The following SPTLC3 variants were observed in gnomAD, a reference collection of about 807,000 sequenced individuals.
SPTLC3 encodes serine palmitoyltransferase 3.
Under a neutral mutation model 59.3 loss-of-function variants are expected in SPTLC3, and 36 were observed. That is an observed-to-expected ratio of 0.61 (90% CI 0.47 to 0.80). SPTLC3 has a LOEUF of 0.80. Among genes scored for constraint, SPTLC3 ranks in the 30% least tolerant of loss-of-function variants. The pLI, the probability that SPTLC3 is intolerant of heterozygous loss-of-function variation, is 0.00. For synonymous variants in SPTLC3, 257 were observed against 240.8 expected, an observed-to-expected ratio of 1.07 and a Z score of -0.62; for missense variants, 625 against 685.1, an observed-to-expected ratio of 0.91 and a Z score of 0.98.
intron 7 of SPTLC3, among the ~76,000 whole-genome samples, chr20:13,110,848 G>A (rs536646956): frequency 6.6e-6 from 1 of 152,156 alleles, no homozygotes; most frequent in African/African-American, 2.4e-5. Context: ...CAAATTGAGG[G>A]GGATATCTCC....
intron 9 of SPTLC3, among the ~76,000 whole-genome samples, chr20:13,133,458 G>T (rs1266028315): frequency 2.0e-5 from 3 of 152,188 alleles, no homozygotes; most frequent in African/African-American, 7.2e-5. Context: ...AACAGGTCGG[G>T]CATGGTGGCT....
chr20:13,036,317 C>G (rs1304161901), intron 1 of SPTLC3, among the ~76,000 whole-genome samples: 1 of 151,950 alleles, frequency 6.6e-6, no homozygotes, highest in Non-Finnish European at 1.5e-5. Context: ...TCTTTCATCT[C>G]TGCCACCCCT....
chr20:13,081,395 A>G (rs1479647042), intron 4 of SPTLC3, among the ~76,000 whole-genome samples: 1 of 152,222 alleles, frequency 6.6e-6, no homozygotes, highest in Non-Finnish European at 1.5e-5. Context: ...ATCTGCTATC[A>G]TTTAATTCAA....
chr20:13,157,027 A>G (rs1345533189), intron 10 of SPTLC3, among the ~76,000 whole-genome samples: 1 of 152,242 alleles, frequency 6.6e-6, no homozygotes, highest in Non-Finnish European at 1.5e-5. Flanking sequence ...AAGAGCTAAT[A>G]TCACAGAGTA....
intron 1 of SPTLC3, among the ~76,000 whole-genome samples, chr20:13,011,657 A>G (rs1401712446): frequency 6.6e-6 from 1 of 151,992 alleles, no homozygotes; most frequent in East Asian, 1.9e-4. Context: ...AAGGCTGGCA[A>G]GGACCAGAGC....
intron 2 of SPTLC3, chr20:13,050,552 A>C (rs1289354898): frequency 1.3e-5 from 2 of 152,182 alleles, no homozygotes; most frequent in Non-Finnish European, 2.9e-5. Context: ...CTTGCTAGAG[A>C]CCTAGACATC....
At chr20:13,019,596 A>T (rs1316241173) in intron 1 of SPTLC3, among the ~76,000 whole-genome samples, 2 of 152,196 alleles carry the variant, frequency 1.3e-5, no homozygotes, top group Non-Finnish European at 2.9e-5. Context: ...CATACACTAG[A>T]TTTCCTTGAC....
chr20:13,135,771 C>T lies in SPTLC3; in HGVS notation c.1279+9054C>T, dbSNP rs140422028. Among the ~76,000 whole-genome samples the T allele has an allele frequency of 4.8e-3, 728 of 152,302 alleles. 9 individuals are homozygous for T. The highest frequency in any genetic ancestry group is 3.9e-3 in the Non-Finnish European group (263 of 68,018). On this transcript the variant is annotated intron_variant, in intron 9 of 11. Transcript: ENST00000399002. ...ACTTAAATTTGGATTACTCCATTGA[C>T]GAGTTCATTTCTAATTTCACCAAAA...
chr20:13,009,620 G>T (rs1442564222), intron 1 of SPTLC3, among the ~76,000 whole-genome samples: 4 of 152,152 alleles, frequency 2.6e-5, no homozygotes, highest in Admixed American at 2.0e-4. Context: ...ACAGCTTCAG[G>T]CTCCCTAAAA....
intron 2 of SPTLC3, among the ~76,000 whole-genome samples, chr20:13,070,578 C>T (rs186310404): frequency 6.6e-6 from 1 of 152,308 alleles, no homozygotes; most frequent in East Asian, 1.9e-4. Flanking sequence ...TGCTCCAAAG[C>T]ATAGGCGGGA....
chr20:13,118,181 A>G (rs1990674211), intron 8 of SPTLC3, among the ~76,000 whole-genome samples: 1 of 152,170 alleles, frequency 6.6e-6, no homozygotes, highest in African/African-American at 2.4e-5. Context: ...TAGCAACAGT[A>G]GGCAATGTTA....
At chr20:13,108,644 G>A (rs546770079) in intron 6 of SPTLC3, among the ~76,000 whole-genome samples, 7 of 151,570 alleles carry the variant, frequency 4.6e-5, no homozygotes, top group East Asian at 1.9e-4. Context: ...GTGTGATCTC[G>A]GCTCACTGCA....
At position 13,166,006 on chromosome 20, in the gene SPTLC3, G is replaced by C. The variant is rs573636413; in HGVS notation, c.*1139G>C. 19 of 152,586 alleles carry C rather than the reference G, an allele frequency of 1.2e-4. No individual in the cohort carries two copies. The highest frequency in any genetic ancestry group is 9.8e-4 in the Admixed American group (15 of 15,274). The allele number at this position is 152,586 out of a possible 1,614,324, so 9.5% of individuals were successfully genotyped here. ...CTCAACATGAACACAAACCTCTATG[G>C]AAAAGTAGCCTCTTGTTAATCTGAT... On this transcript the variant is annotated 3_prime_UTR_variant, in exon 12 of 12. Coordinates refer to ENST00000399002, the MANE Select transcript of SPTLC3 (RefSeq NM_018327.4).
intron 2 of SPTLC3, among the ~76,000 whole-genome samples, chr20:13,054,202 T>G (rs543609773): frequency 6.6e-6 from 1 of 152,232 alleles, no homozygotes; most frequent in African/African-American, 2.4e-5. Flanking sequence ...CCGAGTGTTG[T>G]GAATGAGAGT....
intron 6 of SPTLC3, among the ~76,000 whole-genome samples, chr20:13,101,406 G>T (rs752842906): frequency 6.6e-6 from 1 of 152,212 alleles, no homozygotes; most frequent in Non-Finnish European, 1.5e-5. Flanking sequence ...TCAGTCCAGT[G>T]TGATGGCTAA....
intron 10 of SPTLC3, among the ~76,000 whole-genome samples, chr20:13,159,144 T>C (rs1045849926): frequency 3.9e-5 from 6 of 152,194 alleles, no homozygotes; most frequent in African/African-American, 1.4e-4. Flanking sequence ...TATTCTAGAA[T>C]TGTTACAGAG....
At chr20:13,163,809 T>C (rs1038134022) in intron 11 of SPTLC3, among the ~76,000 whole-genome samples, 2 of 152,150 alleles carry the variant, frequency 1.3e-5, no homozygotes, top group Non-Finnish European at 2.9e-5. Flanking sequence ...TCCTCCTCAT[T>C]TGGCAGGTTA....
rs1474589417 is a variant in SPTLC3, at chr20:13,167,331, C to T, written c.*2464C>T. ...TTATATCATCAACCATTACCCTCTA[C>T]ATCACCGCCCCGACCTTAGCTCTAA... is the stretch of plus-strand genomic sequence containing the variant. On this transcript the variant is annotated 3_prime_UTR_variant, in exon 12 of 12. Transcript: ENST00000399002. 1 of 145,706 alleles carries T rather than the reference C, an allele frequency of 6.9e-6. No individual in the cohort carries two copies. The highest frequency in any genetic ancestry group is 2.5e-5 in the African/African-American group (1 of 39,878). 9.0% of individuals were successfully genotyped at this position (145,706 alleles called of 1,614,324 possible). A position where few individuals can be genotyped will look rare whatever the true frequency, so the allele number is the denominator to read the frequency against.
At chr20:13,053,623 A>T (rs949340454) in intron 2 of SPTLC3, among the ~76,000 whole-genome samples, 4 of 152,154 alleles carry the variant, frequency 2.6e-5, no homozygotes, top group African/African-American at 9.7e-5. Flanking sequence ...AACCCAATGC[A>T]AGGAAGCTAA....
Sources: gnomAD v4.1 joint callset for allele counts (sites outside exome capture counted in the v4.1 genomes callset) on GRCh38, gnomAD v4.1.1 for gene constraint, MANE v1.5 for transcripts, NCBI Gene and HGNC (gene_info 2026-07-23, HGNC 2026-07-21) for gene names.